C1orf159: variants seen among roughly 807,000 people sequenced by gnomAD.
The protein encoded by C1orf159 is uncharacterized protein C1orf159.
C1orf159 carries 19 observed loss-of-function variants against 25.6 expected under a neutral mutation model. That is an observed-to-expected ratio of 0.74 (90% CI 0.52 to 1.09). The LOEUF is 1.09. Among genes scored for constraint, C1orf159 ranks in the 50% least tolerant of loss-of-function variants. The pLI is 0.00. For synonymous variants in C1orf159, 139 were observed against 124.7 expected, an observed-to-expected ratio of 1.12 and a Z score of -0.77; for missense variants, 274 against 290.6, an observed-to-expected ratio of 0.94 and a Z score of 0.42.
intron 9 of C1orf159, chr1:1,083,829 G>T: frequency 7.8e-7 from 1 of 1,274,490 alleles, no homozygotes; most frequent in Non-Finnish European, 1.1e-6. Flanking sequence ...GGCCGGGTGA[G>T]CCCTGCTCAT....
rs1393400083 is a variant in C1orf159 at position 1,110,292 on chromosome 1, C to T, written c.-136+5768G>A. ...ATTTTTAAGGTTTCTCTGGGGTCCC[C>T]TTGACCAAGAGGGAGCTCGTTCAGT... On this transcript the variant is annotated intron_variant, in intron 1 of 9. Coordinates refer to ENST00000421241, the MANE Select transcript of C1orf159 (RefSeq NM_017891.5). This position sits in a 1 kb window ranked among gnomAD's most constrained non-coding sequence, Gnocchi z 4.8. Among the ~76,000 whole-genome samples, 1 of 152,174 alleles carries T rather than the reference C, an allele frequency of 6.6e-6. No individual in the cohort carries two copies.
At chr1:1,112,018 C>G (rs1400108310) in intron 1 of C1orf159, among the ~76,000 whole-genome samples, 3 of 152,214 alleles carry the variant, frequency 2.0e-5, no homozygotes, top group Non-Finnish European at 2.9e-5. Context: ...CCCGTGGGCT[C>G]AGCACACCGG....
At chr1:1,091,591 C>T in intron 2 of C1orf159, 26 bp from the exon 3 acceptor site, 2 of 1,510,742 alleles carry the variant, frequency 1.3e-6, no homozygotes, top group Non-Finnish European at 1.8e-6. Flanking sequence ...GCATGCGGAG[C>T]CAAAGAGATG....
At chr1:1,094,462 G>A (rs546914791) in intron 1 of C1orf159, among the ~76,000 whole-genome samples, 46 of 151,700 alleles carry the variant, frequency 3.0e-4, no homozygotes, top group African/African-American at 1.1e-3. Flanking sequence ...GTGCAGTGGC[G>A]TGATCTCAGT....
chr1:1,090,070 C>T (rs1365492190), intron 4 of C1orf159, among the ~76,000 whole-genome samples: 1 of 152,202 alleles, frequency 6.6e-6, no homozygotes, highest in South Asian at 2.1e-4. Context: ...ATGGGCCACT[C>T]CCCCAGACCC....
chr1:1,096,592 C>G (rs1055745312), intron 1 of C1orf159, among the ~76,000 whole-genome samples: 4 of 152,210 alleles, frequency 2.6e-5, no homozygotes, highest in African/African-American at 9.7e-5. Flanking sequence ...GGTAGGTTCT[C>G]CGGTAATTAA....
At chr1:1,090,554 G>A (rs1645912475) in intron 3 of C1orf159, 126 bp from the exon 4 acceptor site, 2 of 1,022,564 alleles carry the variant, frequency 2.0e-6, no homozygotes, top group Non-Finnish European at 2.9e-6. Context: ...CTCTTCTGGA[G>A]TCAGCATCGG....
intron 1 of C1orf159, among the ~76,000 whole-genome samples, chr1:1,114,263 G>A (rs931157609): frequency 6.6e-6 from 1 of 152,106 alleles, no homozygotes; most frequent in Non-Finnish European, 1.5e-5. Context: ...CTGGTAGAGG[G>A]GGGCCCCTCT....
Position 1,102,658 on chromosome 1 carries a change from C to T in C1orf159, c.-135-10555G>A, listed in dbSNP as rs923839098. Among the ~76,000 whole-genome samples the T allele has an allele frequency of 1.0e-4, 14 of 134,794 alleles. No individual in the cohort carries two copies. In the South Asian group the frequency reaches 1.6e-3, roughly 16 times the overall value. The allele number at this position is 134,794 out of a possible 152,430, so 88.4% of individuals were successfully genotyped here. A position where few individuals can be genotyped will look rare whatever the true frequency, so the allele number is the denominator to read the frequency against. On this transcript the variant is annotated intron_variant, in intron 1 of 9. Coordinates refer to ENST00000421241, the MANE Select transcript of C1orf159 (RefSeq NM_017891.5). ...AAAAAAAAAAAAAAAAATTGCCAGG[C>T]GTAGTGGTGGGCACCTGTAGTCCCA... is the stretch of plus-strand genomic sequence containing the variant.
At chr1:1,109,535 T>C (rs1022327864) in intron 1 of C1orf159, among the ~76,000 whole-genome samples, 3 of 152,180 alleles carry the variant, frequency 2.0e-5, no homozygotes, top group African/African-American at 7.2e-5. Context: ...GGTGCAATCA[T>C]AGCTCACCGC....
chr1:1,087,303 A>G lies in C1orf159; in HGVS notation c.245-99T>C. On this transcript the variant is annotated intron_variant, in intron 5 of 9. Coordinates refer to ENST00000421241, the MANE Select transcript of C1orf159 (RefSeq NM_017891.5). This position sits in a 1 kb window ranked among gnomAD's most constrained non-coding sequence, Gnocchi z 8.3. ...ATCTCAGGACGGAAATATGAAAGCG[A>G]GGGGCTGAGGGGGCGGAGCAGCCCT... 7.7e-7 allele frequency: 1 copy of G among 1,300,846 alleles called. No homozygotes were observed. The highest frequency in any genetic ancestry group is 1.5e-5 in the South Asian group (1 of 67,892). 80.6% of individuals were successfully genotyped at this position (1,300,846 alleles called of 1,614,324 possible). A position where few individuals can be genotyped will look rare whatever the true frequency, so the allele number is the denominator to read the frequency against.
chr1:1,092,407 A>G (rs1645954072), intron 1 of C1orf159: 1 of 163,532 alleles, frequency 6.1e-6, no homozygotes. Context: ...CTTGGTGGAC[A>G]CCGGTCCTCC....
chr1:1,082,245 A>G lies in C1orf159; in HGVS notation c.*648T>C, dbSNP rs1456475713. 1 of 153,762 alleles carries G rather than the reference A, an allele frequency of 6.5e-6. No individual in the cohort carries two copies. The highest frequency in any genetic ancestry group is 2.4e-5 in the African/African-American group (1 of 41,464). 9.5% of individuals were successfully genotyped at this position (153,762 alleles called of 1,614,324 possible). On this transcript the variant is annotated 3_prime_UTR_variant, in exon 10 of 10. Transcript: ENST00000421241. ...AGAGCTCTGGAGGACTTTTCTGCAC[A>G]ATGAATTTCTGCTTAAAAACAGAGA...
At chr1:1,111,381 A>AG (rs1252027919) in intron 1 of C1orf159, among the ~76,000 whole-genome samples, 1 of 151,618 alleles carries the variant, frequency 6.6e-6, no homozygotes, top group Non-Finnish European at 1.5e-5. Flanking sequence ...AAAAAAAAAA[A>AG]AAAAATAGCT....
chr1:1,114,163 C>G (rs752227280), intron 1 of C1orf159, among the ~76,000 whole-genome samples: 15 of 152,140 alleles, frequency 9.9e-5, no homozygotes, highest in Non-Finnish European at 1.6e-4. Context: ...GATCCGCCCC[C>G]CTCCCCCCAC....
Position 1,082,760 on chromosome 1 carries a change from G to T in C1orf159, c.*133C>A. On this transcript the variant is annotated 3_prime_UTR_variant, in exon 10 of 10. Transcript: ENST00000421241. The stretch of plus-strand genomic sequence containing the variant: ...TGGCGTCCGTCGCTGGGAGGCGGAG[G>T]GACTCAGAGCCGAGGCTGTGCCCAG... The T allele has an allele frequency of 1.3e-6, 1 of 796,566 alleles. No homozygotes were observed. The highest frequency in any genetic ancestry group is 2.1e-6 in the Non-Finnish European group (1 of 482,302). The allele number at this position is 796,566 out of a possible 1,614,324, so 49.3% of individuals were successfully genotyped here.
At chr1:1,106,323 C>A (rs1646170287) in intron 1 of C1orf159, among the ~76,000 whole-genome samples, 1 of 152,150 alleles carries the variant, frequency 6.6e-6, no homozygotes, top group African/African-American at 2.4e-5. Flanking sequence ...ATGAAATACT[C>A]CACACCCATT....
Position 1,105,260 on chromosome 1 carries a change from C to T in C1orf159, c.-136+10800G>A, listed in dbSNP as rs373479076. Reference sequence around the variant, plus strand: ...AAAGGCCAGGAGCAGTGGCTCACACCTGTAATCCCAGCACTTTGGAAGGCT... The same window carrying T: ...AAAGGCCAGGAGCAGTGGCTCACACTTGTAATCCCAGCACTTTGGAAGGCT... On this transcript the variant is annotated intron_variant, in intron 1 of 9. Coordinates refer to ENST00000421241, the MANE Select transcript of C1orf159 (RefSeq NM_017891.5). Among the ~76,000 whole-genome samples the T allele has an allele frequency of 1.1e-3, 162 of 152,362 alleles. 1 individual carries two copies. Among genetic ancestry groups the T allele is most frequent in the African/African-American group, 3.7e-3 (154 of 41,578 alleles).
chr1:1,090,685 AC>A, intron 3 of C1orf159: 1 of 699,238 alleles, frequency 1.4e-6, no homozygotes, highest in Non-Finnish European at 2.5e-6. Flanking sequence ...AGAGTAAACC[AC>A]CCCCAGGAGG....
Sources: gnomAD v4.1 joint callset for allele counts (sites outside exome capture counted in the v4.1 genomes callset) on GRCh38, gnomAD v4.1.1 for gene constraint, Gnocchi (gnomAD v3.1) non-coding constraint, MANE v1.5 for transcripts, NCBI Gene and HGNC (gene_info 2026-07-23, HGNC 2026-07-21) for gene names.